The following ROBO2 variants were observed in gnomAD, a reference collection of about 807,000 sequenced individuals.
ROBO2 encodes roundabout homolog 2.
ROBO2 carries 53 observed loss-of-function variants against 160.8 expected under a neutral mutation model. The observed-to-expected ratio is 0.33, with a 90% confidence interval of 0.26 to 0.41. The LOEUF (loss-of-function observed/expected upper bound fraction) is 0.41, where lower values mean the gene tolerates loss of function less well. ROBO2 is among the 10% of genes least tolerant of loss of function. The pLI is 1.00. For missense variants in ROBO2, 1,577 were observed against 1,722.4 expected (o/e 0.92, Z 1.49); for synonymous variants, 664 against 611.7 (o/e 1.09, Z -1.26).
chr3:76,981,067 A>G (rs922987092), intron 2 of ROBO2, among the ~76,000 whole-genome samples: 16 of 152,138 alleles, frequency 1.1e-4, no homozygotes, highest in African/African-American at 3.4e-4. Context: ...GAAATAACAT[A>G]TTTTGTTTGT....
At chr3:75,975,106 G>A (rs930115264) in intron 2 of ROBO2, among the ~76,000 whole-genome samples, 10 of 151,186 alleles carry the variant, frequency 6.6e-5, no homozygotes, top group East Asian at 2.0e-4. Flanking sequence ...TACATACTTC[G>A]GGATTAGAAT....
intron 2 of ROBO2, among the ~76,000 whole-genome samples, chr3:77,289,334 A>C (rs1168648744): frequency 6.6e-6 from 1 of 152,134 alleles, no homozygotes; most frequent in African/African-American, 2.4e-5. Context: ...CCAAAGACAT[A>C]AAGTAAAATT....
At chr3:75,948,204 TATGATATAG>T (rs1281023745) in intron 2 of ROBO2, among the ~76,000 whole-genome samples, 2 of 152,122 alleles carry the variant, frequency 1.3e-5, no homozygotes, top group Non-Finnish European at 2.9e-5. Context: ...TTTTGTTGTG[TATGATATAG>T]ATGGTCAAAA....
intron 2 of ROBO2, among the ~76,000 whole-genome samples, chr3:76,440,207 A>C (rs1027173821): frequency 6.6e-6 from 1 of 152,120 alleles, no homozygotes; most frequent in Non-Finnish European, 1.5e-5. Context: ...AACCCCAATC[A>C]AGTCCCAAGC....
intron 2 of ROBO2, among the ~76,000 whole-genome samples, chr3:77,010,233 G>A (rs910106016): frequency 2.0e-5 from 3 of 152,078 alleles, no homozygotes; most frequent in African/African-American, 7.2e-5. Flanking sequence ...ATGTAGAAAT[G>A]ACTGTCAACC....
chr3:76,131,535 G>C (rs1266148417), intron 2 of ROBO2, among the ~76,000 whole-genome samples: 1 of 152,108 alleles, frequency 6.6e-6, no homozygotes, highest in Non-Finnish European at 1.5e-5. Flanking sequence ...CTGAACCACG[G>C]TAGGTGGTGA....
chr3:76,953,698 T>C (rs77436799), intron 2 of ROBO2, among the ~76,000 whole-genome samples: 5,285 of 152,270 alleles, frequency 0.035, 306 homozygotes, highest in African/African-American at 0.12. Flanking sequence ...CTTTGTATTA[T>C]GTTTGGCAGG....
intron 2 of ROBO2, among the ~76,000 whole-genome samples, chr3:77,100,291 A>G (rs1371842520): frequency 1.3e-5 from 2 of 152,148 alleles, no homozygotes; most frequent in Non-Finnish European, 2.9e-5. Context: ...TAGGGAGTGA[A>G]TAAAATCCCT....
chr3:76,393,301 G>GGAA (rs1234977466), intron 2 of ROBO2, among the ~76,000 whole-genome samples: 3 of 152,056 alleles, frequency 2.0e-5, no homozygotes, highest in Non-Finnish European at 4.4e-5. Context: ...ATTGAACTAT[G>GGAA]GAAGTATCTC....
At chr3:77,312,880 G>T (rs543559836) in intron 2 of ROBO2, among the ~76,000 whole-genome samples, 1 of 152,266 alleles carries the variant, frequency 6.6e-6, no homozygotes, top group South Asian at 2.1e-4. Flanking sequence ...TAAAAACTCA[G>T]AAATCTTAAT....
chr3:75,922,282 A>G (rs1289049107), intron 1 of ROBO2, among the ~76,000 whole-genome samples: 2 of 152,182 alleles, frequency 1.3e-5, no homozygotes, highest in African/African-American at 2.4e-5. Context: ...TTTTCAGAAT[A>G]TAAAGAAAAA....
At chr3:76,347,538 T>C (rs2074602219) in intron 2 of ROBO2, among the ~76,000 whole-genome samples, 1 of 152,084 alleles carries the variant, frequency 6.6e-6, no homozygotes, top group South Asian at 2.1e-4. Flanking sequence ...TGCTTGAAAT[T>C]TGCCTGTTCT....
At chr3:76,402,501 G>C (rs2077890966) in intron 2 of ROBO2, among the ~76,000 whole-genome samples, 1 of 151,512 alleles carries the variant, frequency 6.6e-6, no homozygotes. Context: ...TGACACAAAT[G>C]TATTATCTCA....
intron 2 of ROBO2, among the ~76,000 whole-genome samples, chr3:76,226,372 C>T (rs1260678941): frequency 1.3e-5 from 2 of 151,914 alleles, no homozygotes; most frequent in East Asian, 3.9e-4. Context: ...TGCCTGTGAG[C>T]CTGTAGTGTG....
At position 77,059,801 on chromosome 3, in the gene ROBO2, A is replaced by T. The variant is rs544906864; in HGVS notation, c.61+18955A>T. 5.9e-5 allele frequency among the ~76,000 whole-genome samples: 9 copies of T among 152,272 alleles called. No individual in the cohort carries two copies. In the South Asian group the frequency reaches 1.4e-3, roughly 25 times the overall value. ...TATCTCAGTGTAAAACTCATACGTC[A>T]TGACATCAGGCTCATTGAAGAAAGG... On this transcript the variant is annotated intron_variant, in intron 1 of 25. Coordinates refer to ENST00000461745, the Ensembl canonical transcript of ROBO2.
At chr3:77,170,359 A>C (rs979795809) in intron 2 of ROBO2, among the ~76,000 whole-genome samples, 2 of 151,862 alleles carry the variant, frequency 1.3e-5, no homozygotes, top group South Asian at 4.1e-4. Context: ...AGATCTAATT[A>C]TATATATATT....
intron 2 of ROBO2, among the ~76,000 whole-genome samples, chr3:76,442,511 A>G (rs938620501): frequency 1.1e-4 from 16 of 152,266 alleles, no homozygotes; most frequent in African/African-American, 3.8e-4. Flanking sequence ...AGCAAATGCT[A>G]TAGAAGTACA....
chr3:76,659,347 A>C (rs2091718201), intron 2 of ROBO2, among the ~76,000 whole-genome samples: 1 of 149,356 alleles, frequency 6.7e-6, no homozygotes, highest in Non-Finnish European at 1.5e-5. Flanking sequence ...TATATAATGC[A>C]TATAAATATA....
chr3:76,962,074 C>T (rs1025883362), intron 2 of ROBO2, among the ~76,000 whole-genome samples: 14 of 152,098 alleles, frequency 9.2e-5, no homozygotes, highest in Non-Finnish European at 1.5e-4. Context: ...GTGGCTCACA[C>T]CTGTAATCTC....
Sources: allele counts gnomAD v4.1 joint callset (sites outside exome capture counted in the v4.1 genomes callset), GRCh38; gene constraint gnomAD v4.1.1; transcripts MANE v1.5; gene names NCBI Gene and HGNC (gene_info 2026-07-23, HGNC 2026-07-21).